The following WARS2 variants were observed in gnomAD, a reference collection of about 807,000 sequenced individuals.
WARS2 encodes tryptophanyl tRNA synthetase 2, mitochondrial, also known as tryptophan--tRNA ligase, mitochondrial.
A neutral mutation model predicts 36.5 loss-of-function variants in WARS2; 28 were observed. That is an observed-to-expected ratio of 0.77 (90% CI 0.57 to 1.05). WARS2 has a LOEUF of 1.05. WARS2 is among the 50% of genes least tolerant of loss of function. The probability of loss-of-function intolerance (pLI) is 0.00; values close to 1 mark genes in which losing one functional copy is unlikely to be tolerated. For missense variants in WARS2, 435 were observed against 456.8 expected (o/e 0.95, Z 0.44); for synonymous variants, 174 against 178.4 (o/e 0.98, Z 0.20).
chr1:119,083,058 G>A (rs140316612), intron 1 of WARS2, among the ~76,000 whole-genome samples: 12 of 151,970 alleles, frequency 7.9e-5, no homozygotes, highest in Admixed American at 4.6e-4. Flanking sequence ...GTGAAACCCC[G>A]TCTCTACTAA....
At chr1:119,136,362 C>T (rs1006872218) in intron 1 of WARS2, among the ~76,000 whole-genome samples, 2 of 152,124 alleles carry the variant, frequency 1.3e-5, no homozygotes, top group Admixed American at 6.5e-5. Flanking sequence ...TTTTCATTAG[C>T]TCCTCAAAGC....
chr1:119,136,554 G>T (rs1656523943), intron 1 of WARS2, among the ~76,000 whole-genome samples: 3 of 152,142 alleles, frequency 2.0e-5, no homozygotes, highest in Admixed American at 1.3e-4. Flanking sequence ...TCATCAAACT[G>T]GCAGAGTAAT....
Position 119,052,040 on chromosome 1 carries a change from G to GT in WARS2, c.349-6379dup, listed in dbSNP as rs541638251. Among the ~76,000 whole-genome samples, 241 of 152,040 alleles carry GT rather than the reference G, an allele frequency of 1.6e-3. 1 individual carries two copies. Among genetic ancestry groups the GT allele is most frequent in the African/African-American group, 5.6e-3 (231 of 41,504 alleles). On this transcript the variant is annotated intron_variant, in intron 2 of 5. Coordinates refer to ENST00000235521, the MANE Select transcript of WARS2 (RefSeq NM_015836.4). ...CTCCCAAAGTGCTGGGATTAAAGGC[G>GT]TAAGTCACCGCACCCGGCCCTTGCT...
intron 1 of WARS2, among the ~76,000 whole-genome samples, chr1:119,113,010 G>A (rs1654745866): frequency 6.6e-6 from 1 of 152,172 alleles, no homozygotes; most frequent in South Asian, 2.1e-4. Flanking sequence ...AAGGTCAATA[G>A]ATAAGTGACA....
chr1:119,085,261 C>A, intron 1 of WARS2: 1 of 926,654 alleles, frequency 1.1e-6, no homozygotes, highest in South Asian at 1.3e-5. Context: ...TCTCGGTTCT[C>A]TGCCCAACCA....
chr1:119,094,482 T>G (rs973144879), intron 1 of WARS2, among the ~76,000 whole-genome samples: 2 of 152,164 alleles, frequency 1.3e-5, no homozygotes, highest in Non-Finnish European at 2.9e-5. Context: ...AGTAAACTAT[T>G]TCTTTTACTT....
At chr1:119,100,008 T>C (rs759201298) in intron 1 of WARS2, among the ~76,000 whole-genome samples, 2 of 152,186 alleles carry the variant, frequency 1.3e-5, no homozygotes, top group South Asian at 2.1e-4. Context: ...ACAGAGTGAA[T>C]AGACACCTGT....
intron 1 of WARS2, among the ~76,000 whole-genome samples, chr1:119,087,633 G>A (rs1370685118): frequency 6.6e-6 from 1 of 152,184 alleles, no homozygotes; most frequent in Admixed American, 6.5e-5. Context: ...CTATTCAGTG[G>A]TGGCTTTGAT....
chr1:119,132,478 C>T (rs1162010578), intron 1 of WARS2, among the ~76,000 whole-genome samples: 1 of 152,102 alleles, frequency 6.6e-6, no homozygotes, highest in Non-Finnish European at 1.5e-5. Flanking sequence ...TACCCTCAGC[C>T]CAAGAAGCCT....
At chr1:119,048,884 C>A (rs572415907) in intron 2 of WARS2, among the ~76,000 whole-genome samples, 2 of 152,052 alleles carry the variant, frequency 1.3e-5, no homozygotes, top group East Asian at 3.9e-4. Context: ...GCCAATATGG[C>A]GAAACCCGTC....
At chr1:119,073,153 CAAAAAAGAAAAAAA>C (rs57194612) in intron 2 of WARS2, among the ~76,000 whole-genome samples, 27,291 of 127,916 alleles carry the variant, frequency 0.21, 3,565 homozygotes, top group East Asian at 0.51. Flanking sequence ...ATCTCTAGTT[CAAAAAAGAAAAAAA>C]AAAAAAGAAA....
At chr1:119,136,118 A>G (rs1489001029) in intron 1 of WARS2, among the ~76,000 whole-genome samples, 7 of 152,036 alleles carry the variant, frequency 4.6e-5, no homozygotes, top group African/African-American at 2.4e-5. Context: ...TAAAAAATAT[A>G]TATTTGTCTG....
chr1:119,080,457 C>T lies in WARS2; in HGVS notation c.91-3850G>A, dbSNP rs587672492. ...TAGAAATGATCTAATACATCTTTTCCATTCTCTAGTTCCTGGGATTCTATA... is the reference window on the plus strand; with the variant it reads ...TAGAAATGATCTAATACATCTTTTCTATTCTCTAGTTCCTGGGATTCTATA... On this transcript the variant is annotated intron_variant, in intron 1 of 5. Transcript: ENST00000235521. Among the ~76,000 whole-genome samples, 5 of 152,172 alleles carry T rather than the reference C, an allele frequency of 3.3e-5. No individual in the cohort carries two copies. In the South Asian group the frequency reaches 6.2e-4, roughly 19 times the overall value.
intron 2 of WARS2, among the ~76,000 whole-genome samples, chr1:119,048,673 T>A (rs960498212): frequency 6.6e-6 from 1 of 152,180 alleles, no homozygotes; most frequent in Admixed American, 6.5e-5. Flanking sequence ...CATGTGCCCA[T>A]GGACCTAGAC....
intron 5 of WARS2, 50 bp downstream of exon 5, chr1:119,034,045 C>G (rs375349198): frequency 1.9e-5 from 29 of 1,527,824 alleles, no homozygotes; most frequent in African/African-American, 2.7e-5. Flanking sequence ...ATTGTCCAAT[C>G]CTCTCTTTAG....
intron 1 of WARS2, among the ~76,000 whole-genome samples, chr1:119,097,586 C>G (rs1248621418): frequency 6.6e-6 from 1 of 152,196 alleles, no homozygotes; most frequent in African/African-American, 2.4e-5. Context: ...TCCAAATCCC[C>G]AGGACAAGAT....
chr1:119,118,955 C>T (rs587756616), intron 1 of WARS2, among the ~76,000 whole-genome samples: 2 of 152,112 alleles, frequency 1.3e-5, no homozygotes, highest in South Asian at 4.1e-4. Context: ...AACAAAACCC[C>T]AAAATAGAAC....
At chr1:119,056,164 C>A (rs1157926275) in intron 2 of WARS2, among the ~76,000 whole-genome samples, 2 of 149,532 alleles carry the variant, frequency 1.3e-5, no homozygotes, top group East Asian at 3.9e-4. Context: ...GGATTACAGG[C>A]AAGTGCCACC....
At chr1:119,089,946 T>TG (rs1652926022) in intron 1 of WARS2, among the ~76,000 whole-genome samples, 2 of 152,044 alleles carry the variant, frequency 1.3e-5, no homozygotes, top group Admixed American at 6.6e-5. Flanking sequence ...GGACACATGG[T>TG]GGGGAACACC....
Sources: gnomAD v4.1 joint callset for allele counts (sites outside exome capture counted in the v4.1 genomes callset) on GRCh38, gnomAD v4.1.1 for gene constraint, MANE v1.5 for transcripts, NCBI Gene and HGNC (gene_info 2026-07-23, HGNC 2026-07-21) for gene names.